Variants in GLIS3 observed in about 807,000 individuals in gnomAD.
GLIS3 encodes GLIS family zinc finger 3, also known as zinc finger protein GLIS3.
GLIS3 carries 53 observed loss-of-function variants against 78.6 expected under a neutral mutation model. That is an observed-to-expected ratio of 0.67 (90% CI 0.54 to 0.85). The LOEUF is 0.85. Among genes scored for constraint, GLIS3 ranks in the 40% least tolerant of loss-of-function variants. The probability of loss-of-function intolerance (pLI) is 0.00; values close to 1 mark genes in which losing one functional copy is unlikely to be tolerated. For missense variants in GLIS3, 1,703 were observed against 1,231.1 expected, an observed-to-expected ratio of 1.38 and a Z score of -5.74; for synonymous variants, 684 against 509.9, an observed-to-expected ratio of 1.34 and a Z score of -4.60.
At chr9:3,836,605 C>G (rs889561449) in intron 9 of GLIS3, among the ~76,000 whole-genome samples, 1 of 151,486 alleles carries the variant, frequency 6.6e-6, no homozygotes, top group African/African-American at 2.4e-5. Flanking sequence ...TTGAATACTT[C>G]TCATAAACCA....
At chr9:4,292,657 G>C (rs532643848) in intron 1 of GLIS3, among the ~76,000 whole-genome samples, 51 of 152,302 alleles carry the variant, frequency 3.3e-4, no homozygotes, top group South Asian at 1.2e-3. Flanking sequence ...AGTATCAATT[G>C]ATCAATTGTG....
intron 4 of GLIS3, among the ~76,000 whole-genome samples, chr9:3,989,489 G>C (rs1820045706): frequency 6.6e-6 from 1 of 152,170 alleles, no homozygotes; most frequent in South Asian, 2.1e-4. Flanking sequence ...AATCAGCCCA[G>C]ATGTCTCTCA....
At chr9:4,462,594 A>AACAC in the GLIS3 span, among the ~76,000 whole-genome samples, 1,396 of 145,070 alleles carry the variant, frequency 9.6e-3, 11 homozygotes, top group African/African-American at 0.017. Context: ...CCATCTCTAT[A>AACAC]ACACACACAC....
chr9:4,281,037 G>T (rs895121420), intron 2 of GLIS3, among the ~76,000 whole-genome samples: 1 of 152,104 alleles, frequency 6.6e-6, no homozygotes, highest in Admixed American at 6.5e-5. Flanking sequence ...CAAGTAGTTA[G>T]GTGTAAACAA....
chr9:4,374,339 A>C, the GLIS3 span, among the ~76,000 whole-genome samples: 2 of 152,266 alleles, frequency 1.3e-5, no homozygotes, highest in Non-Finnish European at 2.9e-5. Context: ...AAAAAGATGG[A>C]AAGGGCTGCT....
At position 4,167,082 on chromosome 9, in the gene GLIS3, G is replaced by A. The variant is rs1264577901; in HGVS notation, c.389-41141C>T. On this transcript the variant is annotated intron_variant, in intron 2 of 10. Coordinates refer to ENST00000381971, the MANE Select transcript of GLIS3 (RefSeq NM_001042413.2). ...ATCAGAAGTAAAATCAGTTCATTTGGATCCGAAGGGATAAAGATCATGCCT... is the reference window on the plus strand; with the variant it reads ...ATCAGAAGTAAAATCAGTTCATTTGAATCCGAAGGGATAAAGATCATGCCT... 3.9e-5 allele frequency among the ~76,000 whole-genome samples: 6 copies of A among 152,322 alleles called. No homozygotes were observed. The East Asian group carries it at 1.2e-3, about 29-fold the overall frequency.
the GLIS3 span, among the ~76,000 whole-genome samples, chr9:4,460,071 T>G: frequency 6.6e-6 from 1 of 152,080 alleles, no homozygotes; most frequent in African/African-American, 2.4e-5. Flanking sequence ...AGACAGATCT[T>G]GATTAACTTG....
intron 9 of GLIS3, among the ~76,000 whole-genome samples, chr9:3,852,798 C>T (rs1332955710): frequency 6.6e-6 from 1 of 152,200 alleles, no homozygotes; most frequent in African/African-American, 2.4e-5. Flanking sequence ...GTCACTGGCC[C>T]ATCTTCCTGG....
intron 9 of GLIS3, among the ~76,000 whole-genome samples, chr9:3,840,490 G>A (rs962308161): frequency 1.3e-5 from 2 of 152,156 alleles, no homozygotes; most frequent in African/African-American, 4.8e-5. Context: ...GACTGTGTTA[G>A]GAAGACAGAT....
At chr9:4,437,679 C>A in the GLIS3 span, among the ~76,000 whole-genome samples, 1 of 152,146 alleles carries the variant, frequency 6.6e-6, no homozygotes, top group African/African-American at 2.4e-5. Context: ...CCAAGTGTGC[C>A]TGCCTTCCCT....
intron 2 of GLIS3, among the ~76,000 whole-genome samples, chr9:4,174,285 T>A (rs1379898728): frequency 6.6e-6 from 1 of 152,182 alleles, no homozygotes; most frequent in Non-Finnish European, 1.5e-5. Flanking sequence ...TATACCTACT[T>A]AAAACATAAC....
chr9:4,074,836 G>A (rs1827912331), intron 4 of GLIS3, among the ~76,000 whole-genome samples: 1 of 152,120 alleles, frequency 6.6e-6, no homozygotes, highest in Admixed American at 6.6e-5. Flanking sequence ...TGGTCATTAG[G>A]CATTTTTACC....
the GLIS3 span, among the ~76,000 whole-genome samples, chr9:4,435,940 C>T: frequency 6.7e-6 from 1 of 149,654 alleles, no homozygotes; most frequent in Non-Finnish European, 1.5e-5. Flanking sequence ...CAGAGCCAGA[C>T]TCCGTCTCAA....
At chr9:4,309,607 T>C (rs1263556545) in intron 3 of GLIS3, among the ~76,000 whole-genome samples, 1 of 152,240 alleles carries the variant, frequency 6.6e-6, no homozygotes, top group Non-Finnish European at 1.5e-5. Flanking sequence ...TACTTTATAA[T>C]TGTGCCTAAG....
chr9:4,013,821 T>C (rs1330871384), intron 4 of GLIS3, among the ~76,000 whole-genome samples: 1 of 152,140 alleles, frequency 6.6e-6, no homozygotes, highest in Non-Finnish European at 1.5e-5. Flanking sequence ...ATCTGGATGA[T>C]CCAACTGTGA....
At chr9:4,184,522 G>A (rs1318303571) in intron 2 of GLIS3, among the ~76,000 whole-genome samples, 6 of 152,200 alleles carry the variant, frequency 3.9e-5, no homozygotes, top group Admixed American at 2.0e-4. Flanking sequence ...CTAGTCCTCC[G>A]TCCCCTAATC....
chr9:3,826,114 C>T lies in GLIS3; in HGVS notation c.*2158G>A, dbSNP rs1817713573. On this transcript the variant is annotated 3_prime_UTR_variant, in exon 11 of 11. Transcript: ENST00000381971. ...CCTTCCCCCTTTCTATTTTAAATTA[C>T]ATAAAGCCAAAAGGCAGGGCTGACA... is the stretch of plus-strand genomic sequence containing the variant. 6.6e-6 allele frequency: 1 copy of T among 152,216 alleles called. No homozygotes were observed. The highest frequency in any genetic ancestry group is 2.1e-4 in the South Asian group (1 of 4,834). 9.4% of individuals were successfully genotyped at this position (152,216 alleles called of 1,614,324 possible).
At chr9:3,932,030 A>C (rs1406987551) in intron 6 of GLIS3, among the ~76,000 whole-genome samples, 1 of 152,208 alleles carries the variant, frequency 6.6e-6, no homozygotes, top group Non-Finnish European at 1.5e-5. Context: ...ATCTGAACTT[A>C]ACTTCTATAA....
intron 9 of GLIS3, among the ~76,000 whole-genome samples, chr9:3,846,105 T>A (rs1486785457): frequency 6.6e-6 from 1 of 152,164 alleles, no homozygotes; most frequent in Non-Finnish European, 1.5e-5. Flanking sequence ...AGACATGCAG[T>A]CAAGCAGTTG....
Sources: allele counts gnomAD v4.1 joint callset (sites outside exome capture counted in the v4.1 genomes callset), GRCh38; gene constraint gnomAD v4.1.1; transcripts MANE v1.5; gene names NCBI Gene and HGNC (gene_info 2026-07-23, HGNC 2026-07-21).